The following MCM10 variants were observed in gnomAD, a reference collection of about 807,000 sequenced individuals.
MCM10 encodes the protein protein MCM10 homolog.
In MCM10, 91 loss-of-function variants were observed where a neutral mutation model predicts 109.9. The ratio of observed to expected loss-of-function variants is 0.83; its 90% confidence interval spans 0.70 to 0.99. The LOEUF (loss-of-function observed/expected upper bound fraction) is 0.99, where lower values mean the gene tolerates loss of function less well. Ranked by LOEUF, MCM10 falls within the 50% of genes least tolerant of loss-of-function variation. MCM10 has a pLI of 0.00. For missense variants in MCM10, 1,077 were observed against 1,061.2 expected, an observed-to-expected ratio of 1.01 and a Z score of -0.21; for synonymous variants, 380 against 387.2, an observed-to-expected ratio of 0.98 and a Z score of 0.22.
At chr10:13,205,298 T>C (rs1834565149) in intron 18 of MCM10, among the ~76,000 whole-genome samples, 1 of 152,168 alleles carries the variant, frequency 6.6e-6, no homozygotes, top group African/African-American at 2.4e-5. Flanking sequence ...TTTCTGTTTC[T>C]GAGTTTTTTC....
intron 6 of MCM10, among the ~76,000 whole-genome samples, chr10:13,179,817 G>A (rs1194888694): frequency 6.6e-6 from 1 of 152,082 alleles, no homozygotes; most frequent in Non-Finnish European, 1.5e-5. Context: ...ATTAATTCAT[G>A]GTTTTGTAAT....
intron 18 of MCM10, among the ~76,000 whole-genome samples, chr10:13,205,279 G>A (rs1336119185): frequency 6.6e-6 from 1 of 152,018 alleles, no homozygotes; most frequent in Admixed American, 6.6e-5. Context: ...GGTACATGCA[G>A]TATTTGGCTT....
intron 18 of MCM10, among the ~76,000 whole-genome samples, chr10:13,207,394 A>G (rs1005921871): frequency 6.6e-6 from 1 of 152,224 alleles, no homozygotes; most frequent in East Asian, 1.9e-4. Context: ...ATAGGCTACC[A>G]GAGTTCTCTT....
At chr10:13,198,257 C>A (rs567009954) in intron 15 of MCM10, among the ~76,000 whole-genome samples, 2 of 152,154 alleles carry the variant, frequency 1.3e-5, no homozygotes, top group East Asian at 3.9e-4. Context: ...AATTTGAATA[C>A]TTGGGAATAG....
chr10:13,166,665 T>TAC (rs1564379593), intron 2 of MCM10, among the ~76,000 whole-genome samples: 4 of 89,558 alleles, frequency 4.5e-5, no homozygotes, highest in East Asian at 5.0e-4. Context: ...TACATACATA[T>TAC]ATATATATAT....
chr10:13,165,152 T>A (rs78367606), intron 2 of MCM10, among the ~76,000 whole-genome samples: 2,111 of 152,244 alleles, frequency 0.014, 69 homozygotes, highest in African/African-American at 0.048. Context: ...TTCCTGTACA[T>A]ACATACGTGT....
At chr10:13,180,266 G>T (rs909887200) in intron 6 of MCM10, among the ~76,000 whole-genome samples, 176 bp from the exon 7 acceptor site, 3 of 149,488 alleles carry the variant, frequency 2.0e-5, no homozygotes, top group African/African-American at 7.4e-5. Flanking sequence ...AAAAAAAAAA[G>T]AATTATTTAT....
chr10:13,204,299 G>T lies in MCM10; in HGVS notation c.2433G>T (p.Arg811Ser). 6.2e-7 allele frequency: 1 copy of T among 1,614,194 alleles called. No homozygotes were observed. The highest frequency in any genetic ancestry group is 8.5e-7 in the Non-Finnish European group (1 of 1,180,026). ...ACCACTGGCATGATGGTGTGAAGAG[G>T]TTTTTCAAATGTCCCTGTGGAAACA... ...HEYHWHDGVK[R>S]FFKCPCGNRS... Residue 811 changes from arginine (R) to serine (S), a missense_variant, in exon 18 of 20, where the codon AGG becomes AGT. Arg to Ser is a moderately radical substitution (Grantham distance 110). Transcript: ENST00000378714.
At position 13,197,628 on chromosome 10, in the gene MCM10, T is replaced by G. The variant is rs748463100; in HGVS notation, c.1980T>G (p.Ala660=). Residue 660 remains alanine, a synonymous_variant, in exon 15 of 20, where the codon GCT becomes GCG. Transcript: ENST00000378714. The part of the protein sequence containing the change: ...LSALAEAKKL[A]AITKLRAKGQ... ...TCTCATTCCCTTTTTTCTAGTTAGC[T>G]GCTATCACCAAATTAAGGGCAAAAG... The G allele has an allele frequency of 1.2e-6, 2 of 1,612,820 alleles. No homozygotes were observed. The highest frequency in any genetic ancestry group is 2.7e-5 in the African/African-American group (2 of 74,920).
chr10:13,166,323 C>T (rs1373731292), intron 2 of MCM10, among the ~76,000 whole-genome samples: 2 of 152,170 alleles, frequency 1.3e-5, no homozygotes, highest in East Asian at 3.9e-4. Flanking sequence ...AGTCTGATTA[C>T]ATCTATTTTT....
Position 13,186,293 on chromosome 10 carries a change from C to T in MCM10, c.1215+13C>T. 6.5e-7 allele frequency: 1 copy of T among 1,543,308 alleles called. No homozygotes were observed. Among genetic ancestry groups the T allele is most frequent in the South Asian group, 1.1e-5 (1 of 89,356 alleles). On this transcript the variant is annotated intron_variant, in intron 9 of 19. Coordinates refer to ENST00000378714, the MANE Select transcript of MCM10 (RefSeq NM_018518.5). ...GACTGTGAATTTGGTTGGTTTCAGC[C>T]TTGTTAGGATGGTTTCTGCTAAAGA... is the stretch of plus-strand genomic sequence containing the variant.
intron 15 of MCM10, 150 bp downstream of exon 15, chr10:13,197,917 ATTT>A (rs34102127): frequency 0.11 from 55,108 of 506,066 alleles, 1,460 homozygotes; most frequent in East Asian, 0.23. Flanking sequence ...GGTGGAACTG[ATTT>A]TTTTTTTTTT....
intron 17 of MCM10, chr10:13,201,817 G>A (rs974407044): frequency 3.8e-5 from 13 of 339,112 alleles, no homozygotes; most frequent in South Asian, 3.4e-4. Flanking sequence ...CACTGGGTCC[G>A]CGTGGCTCTG....
Position 13,191,391 on chromosome 10 carries a change from A to C in MCM10, c.1508A>C (p.Gln503Pro). Residue 503 changes from glutamine (Q) to proline (P), a missense_variant, in exon 11 of 20, where the codon CAA (glutamine) becomes CCA (proline). Coordinates refer to ENST00000378714, the MANE Select transcript of MCM10 (RefSeq NM_018518.5). ...GTNLIIQETRQKLGIPQKSLS... is the reference protein window; with the variant it reads ...GTNLIIQETRPKLGIPQKSLS... ...AACTTGATCATCCAGGAAACACGGCAAAAACTCGGTAACTTTGTTTTTCCA... is the reference window on the plus strand; with the variant it reads ...AACTTGATCATCCAGGAAACACGGCCAAAACTCGGTAACTTTGTTTTTCCA... 1.9e-6 allele frequency: 3 copies of C among 1,613,634 alleles called. No individual in the cohort carries two copies. Among genetic ancestry groups the C allele is most frequent in the Non-Finnish European group, 2.5e-6 (3 of 1,179,550 alleles).
chr10:13,191,563 T>TAAGC (rs35273956), intron 11 of MCM10, among the ~76,000 whole-genome samples, 164 bp downstream of exon 11: 55 of 151,358 alleles, frequency 3.6e-4, no homozygotes, highest in South Asian at 6.3e-4. Context: ...AATAAATAAA[T>TAAGC]AAGCAAGCAA....
chr10:13,185,517 C>T (rs1023577055), intron 8 of MCM10, among the ~76,000 whole-genome samples: 6 of 152,228 alleles, frequency 3.9e-5, no homozygotes, highest in African/African-American at 1.2e-4. Flanking sequence ...TCCCTACCAA[C>T]TCCTGTTTAT....
chr10:13,194,865 C>G (rs1479086670), intron 13 of MCM10, among the ~76,000 whole-genome samples, 176 bp from the exon 14 acceptor site: 1 of 152,142 alleles, frequency 6.6e-6, no homozygotes, highest in Non-Finnish European at 1.5e-5. Flanking sequence ...GTTAGTAAAG[C>G]TAGTATTGTT....
chr10:13,171,055 TGCCGAC>T lies in MCM10; in HGVS notation c.143_148del (p.Ala48_Asp49del), dbSNP rs770053891. On this transcript the variant is annotated inframe_deletion, in exon 3 of 20. Coordinates refer to ENST00000378714, the MANE Select transcript of MCM10 (RefSeq NM_018518.5). ...CCGACGCATTTGATGAGCTCTTTGA[TGCCGAC>T]GGCGACGGTGAATCTTATACAGAAG... 1 of 1,614,178 alleles carries T rather than the reference TGCCGAC, an allele frequency of 6.2e-7. No homozygotes were observed. Among genetic ancestry groups the T allele is most frequent in the Non-Finnish European group, 8.5e-7 (1 of 1,180,042 alleles).
At position 13,172,427 on chromosome 10, in the gene MCM10, A is replaced by G. The variant is rs17152897; in HGVS notation, c.401A>G (p.Lys134Arg). The G allele has an allele frequency of 0.054, 87,087 of 1,613,844 alleles. 2,708 individuals are homozygous for G. The highest frequency in any genetic ancestry group is 0.098 in the Admixed American group (5,862 of 59,984). Residue 134 changes from lysine (K) to arginine (R), a missense_variant, in exon 4 of 20, where the codon AAA becomes AGA. Transcript: ENST00000378714. The surrounding 1 kb of genome is among the most constrained non-coding windows in gnomAD (Gnocchi z 5.2). ...ATGAAGGCCTTACAAGAGCAGCTAA[A>G]AGTAACAACAATTAAACAGACAGCA... Reference protein sequence around the residue: ...EQMKALQEQLKVTTIKQTASP... With the variant: ...EQMKALQEQLRVTTIKQTASP...
Sources: gnomAD v4.1 joint callset for allele counts (sites outside exome capture counted in the v4.1 genomes callset) on GRCh38, gnomAD v4.1.1 for gene constraint, Gnocchi (gnomAD v3.1) non-coding constraint, MANE v1.5 for transcripts, NCBI Gene and HGNC (gene_info 2026-07-23, HGNC 2026-07-21) for gene names.